Variants in SPIDR observed in about 807,000 individuals in gnomAD.
SPIDR encodes scaffold protein involved in DNA repair, also known as DNA repair-scaffolding protein.
In SPIDR, 93 loss-of-function variants were observed where a neutral mutation model predicts 104.6. That is an observed-to-expected ratio of 0.89 (90% CI 0.75 to 1.06). The LOEUF is 1.06. Among genes scored for constraint, SPIDR ranks in the 50% least tolerant of loss-of-function variants. SPIDR has a pLI of 0.00. For missense variants in SPIDR, 1,154 were observed against 1,111.2 expected (o/e 1.04, Z -0.55); for synonymous variants, 431 against 416.9 (o/e 1.03, Z -0.41).
intron 5 of SPIDR, among the ~76,000 whole-genome samples, chr8:47,391,848 T>G (rs2154307561): frequency 6.6e-6 from 1 of 151,906 alleles, no homozygotes; most frequent in Middle Eastern, 3.4e-3. Flanking sequence ...TACAAAAAAT[T>G]AGCTGGGCGT....
chr8:47,364,689 T>C (rs1587735553), intron 5 of SPIDR, among the ~76,000 whole-genome samples: 1 of 152,240 alleles, frequency 6.6e-6, no homozygotes, highest in South Asian at 2.1e-4. Flanking sequence ...TTAAATACTA[T>C]GTTTTTCAGG....
At chr8:47,364,084 T>C (rs1222999903) in intron 5 of SPIDR, among the ~76,000 whole-genome samples, 8 of 152,246 alleles carry the variant, frequency 5.3e-5, no homozygotes, top group Admixed American at 3.9e-4. Context: ...TGCTCACTCA[T>C]TGCTTCTGTA....
intron 8 of SPIDR, chr8:47,511,824 A>G: frequency 1.1e-6 from 1 of 930,356 alleles, no homozygotes. Flanking sequence ...TGGGAGGGCC[A>G]ACAATCTGCT....
chr8:47,624,843 T>A (rs2065787972), intron 10 of SPIDR, among the ~76,000 whole-genome samples: 1 of 152,094 alleles, frequency 6.6e-6, no homozygotes, highest in African/African-American at 2.4e-5. Flanking sequence ...TCTGAAACTA[T>A]TCCAATCAAT....
chr8:47,429,737 G>A (rs1163974178), intron 7 of SPIDR, among the ~76,000 whole-genome samples: 1 of 151,108 alleles, frequency 6.6e-6, no homozygotes. Context: ...GACAAAGGGT[G>A]ACTTTGTTAA....
intron 5 of SPIDR, chr8:47,388,349 C>A (rs560181592): frequency 6.5e-6 from 1 of 154,022 alleles, no homozygotes; most frequent in Non-Finnish European, 1.5e-5. Context: ...AGATATTTTT[C>A]AGGTAAATAT....
At chr8:47,437,088 A>C (rs1448048039) in intron 7 of SPIDR, among the ~76,000 whole-genome samples, 1 of 152,322 alleles carries the variant, frequency 6.6e-6, no homozygotes, top group South Asian at 2.1e-4. Flanking sequence ...GTCAAGATTT[A>C]TCATAGAAAT....
chr8:47,545,540 CT>C, intron 8 of SPIDR, among the ~76,000 whole-genome samples: 1 of 152,066 alleles, frequency 6.6e-6, no homozygotes. Context: ...TTTGTAGATT[CT>C]TTCATAACTT....
intron 11 of SPIDR, among the ~76,000 whole-genome samples, chr8:47,685,858 T>C (rs886856161): frequency 1.3e-5 from 2 of 152,006 alleles, no homozygotes; most frequent in African/African-American, 4.8e-5. Flanking sequence ...GGCCCTGTTT[T>C]TCTTTAATAG....
intron 10 of SPIDR, among the ~76,000 whole-genome samples, chr8:47,625,806 T>C (rs1432656672): frequency 6.6e-6 from 1 of 152,098 alleles, no homozygotes; most frequent in Non-Finnish European, 1.5e-5. Flanking sequence ...AAAATGGCCA[T>C]ACTGCCCAAG....
chr8:47,491,876 A>G (rs782112269), intron 8 of SPIDR, among the ~76,000 whole-genome samples: 1 of 152,134 alleles, frequency 6.6e-6, no homozygotes, highest in African/African-American at 2.4e-5. Context: ...AAAACCAGCC[A>G]ATATTGAACC....
chr8:47,555,840 C>G (rs1236295414), intron 8 of SPIDR, among the ~76,000 whole-genome samples: 1 of 152,202 alleles, frequency 6.6e-6, no homozygotes, highest in Non-Finnish European at 1.5e-5. Context: ...TAATACCACA[C>G]TGTAATTTCC....
At chr8:47,426,920 A>T (rs7831198) in intron 7 of SPIDR, among the ~76,000 whole-genome samples, 1 of 152,330 alleles carries the variant, frequency 6.6e-6, no homozygotes, top group Non-Finnish European at 1.5e-5. Context: ...CATTCAGACC[A>T]TAGCAATAAT....
At chr8:47,303,648 G>T (rs1339697438) in intron 5 of SPIDR, among the ~76,000 whole-genome samples, 3 of 152,116 alleles carry the variant, frequency 2.0e-5, no homozygotes. Flanking sequence ...TATTAACGTG[G>T]TGTATCACAT....
At chr8:47,597,222 C>G (rs948246271) in intron 9 of SPIDR, among the ~76,000 whole-genome samples, 1 of 151,406 alleles carries the variant, frequency 6.6e-6, no homozygotes. Context: ...AACACACTAC[C>G]TTTTTTTTTA....
chr8:47,467,852 G>A (rs180754742), intron 8 of SPIDR, among the ~76,000 whole-genome samples: 1 of 152,242 alleles, frequency 6.6e-6, no homozygotes, highest in East Asian at 1.9e-4. Context: ...GGAAGCCCTG[G>A]CCAGGACAGT....
At chr8:47,610,939 G>A (rs2154430843) in intron 10 of SPIDR, among the ~76,000 whole-genome samples, 1 of 152,332 alleles carries the variant, frequency 6.6e-6, no homozygotes. Context: ...AGCTCTACGT[G>A]TTTTCTTTAC....
At chr8:47,493,619 A>G (rs1740636624) in intron 8 of SPIDR, among the ~76,000 whole-genome samples, 1 of 152,216 alleles carries the variant, frequency 6.6e-6, no homozygotes, top group African/African-American at 2.4e-5. Context: ...AGAGGTCTGG[A>G]GCCTGGGAGA....
rs555425504 is a variant in SPIDR, at chr8:47,693,559, G to A, written c.1686-6844G>A. Among the ~76,000 whole-genome samples, 11 of 152,334 alleles carry A rather than the reference G, an allele frequency of 7.2e-5. 1 individual carries two copies. In the East Asian group the frequency reaches 1.7e-3, roughly 24 times the overall value. On this transcript the variant is annotated intron_variant, in intron 11 of 19. Coordinates refer to ENST00000297423, the MANE Select transcript of SPIDR (RefSeq NM_001080394.4). ...ATCCATGGCCTCGTGCCATGCCAGC[G>A]TTATGCGCCTCCCAGGCACCAGTCT...
Sources: gnomAD v4.1 joint callset for allele counts (sites outside exome capture counted in the v4.1 genomes callset) on GRCh38, gnomAD v4.1.1 for gene constraint, MANE v1.5 for transcripts, NCBI Gene and HGNC (gene_info 2026-07-23, HGNC 2026-07-21) for gene names.